The following PRSS55 variants were observed in gnomAD, a reference collection of about 807,000 sequenced individuals.
PRSS55 encodes probable serine protease UNQ9391/PRO34284.
A neutral mutation model predicts 23.6 loss-of-function variants in PRSS55; 41 were observed. The observed-to-expected ratio is 1.74, with a 90% CI of 1.35 to 2.26. The LOEUF is 2.26. Among genes scored for constraint, PRSS55 ranks in the 30% most tolerant of loss-of-function variants. The probability of loss-of-function intolerance (pLI) is 0.00; values close to 1 mark genes in which losing one functional copy is unlikely to be tolerated. For synonymous variants in PRSS55, 262 were observed against 175.5 expected (o/e 1.49, Z -3.90); for missense variants, 669 against 439.1 (o/e 1.52, Z -4.68).
chr8:10,537,729 T>A (rs1563542861), intron 4 of PRSS55, among the ~76,000 whole-genome samples: 3 of 152,210 alleles, frequency 2.0e-5, no homozygotes, highest in Non-Finnish European at 4.4e-5. Context: ...AACTATTATG[T>A]ACCCATAATA....
chr8:10,551,187 T>G (rs1812943717), intron 4 of PRSS55, among the ~76,000 whole-genome samples: 1 of 152,214 alleles, frequency 6.6e-6, no homozygotes, highest in Non-Finnish European at 1.5e-5. Context: ...TCGTGCTTCA[T>G]GGCTGAAGGT....
rs771245027 is a variant in PRSS55 at position 10,529,586 on chromosome 8, G to T, written c.234G>T (p.Glu78Asp). 6 of 1,614,186 alleles carry T rather than the reference G, an allele frequency of 3.7e-6. No individual in the cohort carries two copies. The East Asian group carries it at 1.3e-4, about 36-fold the overall frequency. Residue 78 changes from glutamate (E) to aspartate (D), a missense_variant, in exon 2 of 5, where the codon GAG (glutamate) becomes GAT (aspartate). Coordinates refer to ENST00000328655, the MANE Select transcript of PRSS55 (RefSeq NM_198464.4). ...ITGGMEAEVG[E>D]FPWQVSIQAR... The stretch of plus-strand genomic sequence containing the variant: ...GGGGGATGGAGGCGGAGGTGGGTGA[G>T]TTTCCGTGGCAGGTGAGTATTCAGG...
intron 1 of PRSS55, among the ~76,000 whole-genome samples, chr8:10,528,153 G>C (rs1027963707): frequency 9.3e-5 from 14 of 151,208 alleles, no homozygotes; most frequent in African/African-American, 3.2e-4. Flanking sequence ...GAGCCGAGAT[G>C]GTGCCACTGC....
intron 4 of PRSS55, among the ~76,000 whole-genome samples, chr8:10,546,358 G>C (rs532156040): frequency 3.3e-5 from 5 of 152,132 alleles, no homozygotes; most frequent in Non-Finnish European, 7.4e-5. Flanking sequence ...GGTTGCCACA[G>C]ACCCCTATAA....
At position 10,531,331 on chromosome 8, in the gene PRSS55, C is replaced by T. The variant is rs1247598310; in HGVS notation, c.384C>T (p.Asp128=). 6.2e-7 allele frequency: 1 copy of T among 1,614,048 alleles called. No homozygotes were observed. The highest frequency in any genetic ancestry group is 1.3e-5 in the African/African-American group (1 of 74,928). ...EELSVVLGTN[D]LTSPSMEIKE... is the part of the protein sequence containing the mutation. ...TGAGTGTCGTGCTGGGGACCAACGA[C>T]TTAACTAGCCCATCCATGGAAATAA... The change falls in exon 3 of 5, where the codon GAC becomes GAT. Residue 128 remains aspartate (D), a synonymous_variant. Transcript: ENST00000328655.
At chr8:10,538,029 C>G (rs1812515796) in intron 4 of PRSS55, among the ~76,000 whole-genome samples, 1 of 152,204 alleles carries the variant, frequency 6.6e-6, no homozygotes, top group Non-Finnish European at 1.5e-5. Flanking sequence ...ATGTCCTTCT[C>G]TCTGTGCTTC....
At chr8:10,536,079 G>A (rs546676051) in intron 4 of PRSS55, among the ~76,000 whole-genome samples, 5 of 152,216 alleles carry the variant, frequency 3.3e-5, no homozygotes, top group East Asian at 1.9e-4. Context: ...CCAGCTACTC[G>A]GGGGGCTGAG....
intron 4 of PRSS55, among the ~76,000 whole-genome samples, chr8:10,534,136 A>T (rs1334215833): frequency 6.6e-6 from 1 of 151,220 alleles, no homozygotes; most frequent in East Asian, 1.9e-4. Context: ...CAAAAAAAAC[A>T]AAAAAACATG....
chr8:10,541,981 T>C (rs1812668966), downstream of PRSS55, among the ~76,000 whole-genome samples: 1 of 152,182 alleles, frequency 6.6e-6, no homozygotes, highest in African/African-American at 2.4e-5. Flanking sequence ...TTCACTATGT[T>C]GCCCAGGCTG....
chr8:10,526,429 G>A (rs917971583), intron 1 of PRSS55, among the ~76,000 whole-genome samples: 3 of 152,220 alleles, frequency 2.0e-5, no homozygotes. Context: ...ACCACTTCTT[G>A]CCCAGAACAC....
chr8:10,532,678 G>A (rs1031252242), intron 3 of PRSS55, among the ~76,000 whole-genome samples: 5 of 152,216 alleles, frequency 3.3e-5, no homozygotes, highest in Non-Finnish European at 7.3e-5. Context: ...CTTGGGAGTA[G>A]AAATTTGGTT....
intron 4 of PRSS55, among the ~76,000 whole-genome samples, chr8:10,535,416 C>G (rs116131679): frequency 0.023 from 3,577 of 152,270 alleles, 133 homozygotes; most frequent in African/African-American, 0.08. Flanking sequence ...TAAAGCTGTA[C>G]ACCTACAACC....
At chr8:10,529,922 C>G (rs888792580) in intron 2 of PRSS55, among the ~76,000 whole-genome samples, 1 of 152,216 alleles carries the variant, frequency 6.6e-6, no homozygotes, top group Admixed American at 6.5e-5. Flanking sequence ...TGACTACAAC[C>G]TCCCTGAGGT....
downstream of PRSS55, among the ~76,000 whole-genome samples, chr8:10,542,221 T>C (rs1756850710): frequency 6.6e-6 from 1 of 152,090 alleles, no homozygotes; most frequent in Non-Finnish European, 1.5e-5. Context: ...CACAGTGTAG[T>C]GTGTAAACTG....
chr8:10,533,008 T>C lies in PRSS55; in HGVS notation c.701T>C (p.Leu234Pro). 1 of 1,614,196 alleles carries C rather than the reference T, an allele frequency of 6.2e-7. No individual in the cohort carries two copies. The highest frequency in any genetic ancestry group is 8.5e-7 in the Non-Finnish European group (1 of 1,180,034). Residue 234 changes from leucine to proline, a missense_variant, in exon 4 of 5, where the codon CTG (leucine) becomes CCG (proline). By Grantham distance (98) the Leu-to-Pro change is moderately conservative. Transcript: ENST00000328655. ...TTTCCAAAACTTACCAAAAATATGC[T>C]GTGTGCCGGATACAAGAATGAGAGC... ...KMFPKLTKNM[L>P]CAGYKNESYD...
chr8:10,547,817 T>C (rs1194504633), intron 4 of PRSS55, among the ~76,000 whole-genome samples: 2 of 149,906 alleles, frequency 1.3e-5, no homozygotes, highest in Non-Finnish European at 3.0e-5. Context: ...CGAGAGTCTT[T>C]TATGTGCCGT....
At chr8:10,546,892 G>A (rs1309740705) in intron 4 of PRSS55, among the ~76,000 whole-genome samples, 2 of 151,856 alleles carry the variant, frequency 1.3e-5, no homozygotes, top group Non-Finnish European at 1.5e-5. Flanking sequence ...TGTTTCCCAG[G>A]CTGGCCTTGT....
At chr8:10,550,182 CA>C (rs1330850430) in intron 4 of PRSS55, among the ~76,000 whole-genome samples, 1 of 152,220 alleles carries the variant, frequency 6.6e-6, no homozygotes, top group Non-Finnish European at 1.5e-5. Flanking sequence ...CTCGGCTTCC[CA>C]AAGTGCTGGG....
intron 1 of PRSS55, among the ~76,000 whole-genome samples, chr8:10,528,561 C>T (rs991053823): frequency 6.6e-6 from 1 of 152,226 alleles, no homozygotes; most frequent in Non-Finnish European, 1.5e-5. Context: ...AGCACAGGCG[C>T]TACAGCTTTG....
Sources: gnomAD v4.1 joint callset for allele counts (sites outside exome capture counted in the v4.1 genomes callset) on GRCh38, gnomAD v4.1.1 for gene constraint, MANE v1.5 for transcripts, NCBI Gene and HGNC (gene_info 2026-07-23, HGNC 2026-07-21) for gene names.